The following SLC1A1 variants were observed in gnomAD, a reference collection of about 807,000 sequenced individuals.
SLC1A1 encodes the protein solute carrier family 1 member 1.
In SLC1A1, 43 loss-of-function variants were observed where a neutral mutation model predicts 53.3. That is an observed-to-expected ratio of 0.81 (90% CI 0.63 to 1.04). SLC1A1 has a LOEUF of 1.04. Ranked by LOEUF, SLC1A1 falls within the 50% of genes least tolerant of loss-of-function variation. SLC1A1 has a pLI of 0.00. For missense variants in SLC1A1, 748 were observed against 664.9 expected, an observed-to-expected ratio of 1.12 and a Z score of -1.37; for synonymous variants, 307 against 243.2, an observed-to-expected ratio of 1.26 and a Z score of -2.44.
chr9:4,574,545 C>T (rs951292882), intron 8 of SLC1A1, among the ~76,000 whole-genome samples: 14 of 152,040 alleles, frequency 9.2e-5, no homozygotes, highest in African/African-American at 3.4e-4. Flanking sequence ...AATCTTGAGG[C>T]TGGGAGGAAT....
At chr9:4,501,655 T>C (rs959078384) in intron 1 of SLC1A1, among the ~76,000 whole-genome samples, 1 of 151,472 alleles carries the variant, frequency 6.6e-6, no homozygotes, top group African/African-American at 2.4e-5. Context: ...TCCCAGCTAC[T>C]GGGGAGGCTG....
At chr9:4,499,048 A>C (rs1179173832) in intron 1 of SLC1A1, among the ~76,000 whole-genome samples, 1 of 69,806 alleles carries the variant, frequency 1.4e-5, no homozygotes, top group South Asian at 3.3e-4. Flanking sequence ...GTATATATAT[A>C]TCTTTTTTTT....
chr9:4,577,763 C>T (rs1820696939), intron 10 of SLC1A1, among the ~76,000 whole-genome samples: 1 of 152,206 alleles, frequency 6.6e-6, no homozygotes. Flanking sequence ...GTGTGAGCCA[C>T]CACGCCCGGC....
chr9:4,492,752 T>G (rs1820280523), intron 1 of SLC1A1, among the ~76,000 whole-genome samples: 1 of 151,512 alleles, frequency 6.6e-6, no homozygotes, highest in African/African-American at 2.4e-5. Context: ...GCCGTGATCG[T>G]GACTCTGCAC....
chr9:4,582,938 G>A, intron 10 of SLC1A1, 100 bp from the exon 11 acceptor site: 1 of 1,457,544 alleles, frequency 6.9e-7, no homozygotes, highest in Non-Finnish European at 9.6e-7. Context: ...GGACACAGCA[G>A]TAATAGCCAT....
intron 1 of SLC1A1, among the ~76,000 whole-genome samples, chr9:4,493,256 C>A (rs979665657): frequency 3.9e-5 from 6 of 152,194 alleles, no homozygotes; most frequent in Non-Finnish European, 5.9e-5. Flanking sequence ...ACCTAGACCA[C>A]CCCCGATATG....
intron 2 of SLC1A1, chr9:4,553,567 A>T (rs938666243): frequency 6.6e-5 from 10 of 152,282 alleles, no homozygotes; most frequent in South Asian, 2.1e-4. Flanking sequence ...AGGTTACACC[A>T]TGTTGGCCAG....
chr9:4,518,975 G>A (rs1261264793), intron 1 of SLC1A1, among the ~76,000 whole-genome samples: 1 of 152,192 alleles, frequency 6.6e-6, no homozygotes, highest in Non-Finnish European at 1.5e-5. Flanking sequence ...GGGCCCGGTT[G>A]TGTCTAATTG....
chr9:4,547,385 G>C (rs1039136348), intron 2 of SLC1A1, among the ~76,000 whole-genome samples: 1 of 152,166 alleles, frequency 6.6e-6, no homozygotes, highest in African/African-American at 2.4e-5. Context: ...TAGAGGCAGC[G>C]AGCAAAACCA....
At chr9:4,523,197 C>T in intron 1 of SLC1A1, among the ~76,000 whole-genome samples, 1 of 152,206 alleles carries the variant, frequency 6.6e-6, no homozygotes, top group South Asian at 2.1e-4. Context: ...TAGATGTGAG[C>T]TCCTTGAGGG....
chr9:4,558,887 T>A lies in SLC1A1; in HGVS notation c.233-2562T>A, dbSNP rs558857314. ...AGGGCTACAGATGAGTTACTTGGAG[T>A]CTGTTAAGGTGGTGATTCTTTTTGT... On this transcript the variant is annotated intron_variant, in intron 2 of 11. Coordinates refer to ENST00000262352, the MANE Select transcript of SLC1A1 (RefSeq NM_004170.6). Among the ~76,000 whole-genome samples, 46 of 152,284 alleles carry A rather than the reference T, an allele frequency of 3.0e-4. No individual in the cohort carries two copies. In the South Asian group the frequency reaches 7.7e-3, roughly 25 times the overall value.
intron 1 of SLC1A1, among the ~76,000 whole-genome samples, chr9:4,531,908 T>A (rs1328580761): frequency 5.3e-5 from 8 of 152,172 alleles, no homozygotes; most frequent in Admixed American, 5.2e-4. Flanking sequence ...CAATATCCAC[T>A]GTTCTGCAGT....
chr9:4,540,525 C>T (rs1255179458), intron 1 of SLC1A1, among the ~76,000 whole-genome samples: 2 of 152,204 alleles, frequency 1.3e-5, no homozygotes, highest in Non-Finnish European at 2.9e-5. Context: ...AACACATGCC[C>T]TCTGGGCCTT....
chr9:4,545,189 G>GTCTC (rs6150901), intron 2 of SLC1A1, among the ~76,000 whole-genome samples: 1,897 of 130,960 alleles, frequency 0.014, 29 homozygotes, highest in African/African-American at 0.028. Flanking sequence ...TACATTAGAT[G>GTCTC]TCTCTCTCTC....
chr9:4,559,844 T>C (rs529476742), intron 2 of SLC1A1: 5 of 152,334 alleles, frequency 3.3e-5, no homozygotes, highest in African/African-American at 1.2e-4. Flanking sequence ...GATGATTCAG[T>C]TGTTTCTCAA....
intron 1 of SLC1A1, among the ~76,000 whole-genome samples, chr9:4,542,078 T>C (rs1173286170): frequency 6.7e-6 from 1 of 150,124 alleles, no homozygotes; most frequent in Non-Finnish European, 1.5e-5. Context: ...ATTTCTTGTA[T>C]TTGAGGGTCT....
chr9:4,550,163 C>T (rs1246173268), intron 2 of SLC1A1, among the ~76,000 whole-genome samples: 3 of 152,248 alleles, frequency 2.0e-5, no homozygotes, highest in South Asian at 4.1e-4. Context: ...AAAATATTTG[C>T]GTTTTGTTTA....
intron 1 of SLC1A1, among the ~76,000 whole-genome samples, chr9:4,539,335 C>A (rs771660356): frequency 6.6e-6 from 1 of 152,076 alleles, no homozygotes; most frequent in Non-Finnish European, 1.5e-5. Flanking sequence ...TTTTCTGATT[C>A]CCAGTATTGT....
intron 1 of SLC1A1, among the ~76,000 whole-genome samples, chr9:4,493,888 G>T (rs945753091): frequency 2.0e-5 from 3 of 152,172 alleles, no homozygotes; most frequent in Non-Finnish European, 4.4e-5. Flanking sequence ...AGCACATGAG[G>T]GGAAATGTAA....
Sources: gnomAD v4.1 joint callset for allele counts (sites outside exome capture counted in the v4.1 genomes callset) on GRCh38, gnomAD v4.1.1 for gene constraint, MANE v1.5 for transcripts, NCBI Gene and HGNC (gene_info 2026-07-23, HGNC 2026-07-21) for gene names.